PREX1: variants seen among roughly 807,000 people sequenced by gnomAD.
The protein encoded by PREX1 is phosphatidylinositol-3,4,5-trisphosphate dependent Rac exchange factor 1.
A neutral mutation model predicts 198.3 loss-of-function variants in PREX1; 41 were observed. That is an observed-to-expected ratio of 0.21 (90% confidence interval 0.16 to 0.27). PREX1 has a LOEUF of 0.27. Ranked by LOEUF, PREX1 falls within the 10% of genes least tolerant of loss-of-function variation. The pLI, the probability that PREX1 is intolerant of heterozygous loss-of-function variation, is 1.00. For missense variants in PREX1, 1,620 were observed against 2,200.7 expected, an observed-to-expected ratio of 0.74 and a Z score of 5.28; for synonymous variants, 843 against 887.2, an observed-to-expected ratio of 0.95 and a Z score of 0.89.
the PREX1 span, among the ~76,000 whole-genome samples, chr20:48,873,300 A>G: frequency 6.6e-6 from 1 of 152,202 alleles, no homozygotes; most frequent in Admixed American, 6.5e-5. Flanking sequence ...AAGACTAAAG[A>G]TGAGATGGAG....
intron 1 of PREX1, among the ~76,000 whole-genome samples, chr20:48,771,183 G>A (rs775436685): frequency 1.3e-5 from 2 of 151,732 alleles, no homozygotes; most frequent in Non-Finnish European, 2.9e-5. Context: ...AATTTTGCAT[G>A]TCACCTTTCC....
intron 14 of PREX1, among the ~76,000 whole-genome samples, chr20:48,668,333 G>A (rs2089653246): frequency 6.6e-6 from 1 of 152,212 alleles, no homozygotes; most frequent in African/African-American, 2.4e-5. Flanking sequence ...GCACTGCTGT[G>A]TCCCCGCTCA....
At chr20:48,658,568 G>C (rs1327502543) in intron 16 of PREX1, among the ~76,000 whole-genome samples, 2 of 152,212 alleles carry the variant, frequency 1.3e-5, no homozygotes, top group African/African-American at 4.8e-5. Flanking sequence ...TACAGGGAAA[G>C]GCACTCATTC....
At chr20:48,651,888 G>A (rs951582440) in intron 21 of PREX1, among the ~76,000 whole-genome samples, 8 of 152,234 alleles carry the variant, frequency 5.3e-5, no homozygotes, top group Admixed American at 2.0e-4. Flanking sequence ...AGAACAGGGA[G>A]AGCCATGAGC....
chr20:48,784,054 A>G (rs2090301462), intron 1 of PREX1, among the ~76,000 whole-genome samples: 1 of 152,208 alleles, frequency 6.6e-6, no homozygotes, highest in African/African-American at 2.4e-5. Context: ...GGAGAACCAC[A>G]GCTGGCTGCC....
At chr20:48,782,398 T>C (rs1469921097) in intron 1 of PREX1, among the ~76,000 whole-genome samples, 1 of 152,182 alleles carries the variant, frequency 6.6e-6, no homozygotes, top group African/African-American at 2.4e-5. Flanking sequence ...GCCTTTTGCC[T>C]TCCCCCATGA....
At chr20:48,850,861 AT>A in the PREX1 span, among the ~76,000 whole-genome samples, 5 of 152,094 alleles carry the variant, frequency 3.3e-5, no homozygotes, top group African/African-American at 1.2e-4. Flanking sequence ...CATCTTCTAA[AT>A]TAGGGGTTGA....
intron 4 of PREX1, among the ~76,000 whole-genome samples, chr20:48,733,860 C>A (rs2090045755): frequency 6.6e-6 from 1 of 152,186 alleles, no homozygotes; most frequent in African/African-American, 2.4e-5. Context: ...AAGCAATTCT[C>A]CTGCTTCAGC....
At chr20:48,657,282 G>A in intron 17 of PREX1, 94 bp from the exon 18 acceptor site, 2 of 1,441,954 alleles carry the variant, frequency 1.4e-6, no homozygotes, top group South Asian at 1.3e-5. Flanking sequence ...GCAGAAGGGT[G>A]CTGGCCCAAG....
the PREX1 span, among the ~76,000 whole-genome samples, chr20:48,883,698 G>A: frequency 0.039 from 5,940 of 152,118 alleles, 228 homozygotes; most frequent in African/African-American, 0.089. Context: ...CAAAACTTAT[G>A]CTGTGAAGAC....
At chr20:48,721,284 G>T (rs564760201) in intron 5 of PREX1, among the ~76,000 whole-genome samples, 2 of 152,164 alleles carry the variant, frequency 1.3e-5, no homozygotes, top group Non-Finnish European at 2.9e-5. Flanking sequence ...AGCGTCCCAG[G>T]ACAGAATGTG....
chr20:48,742,159 G>A (rs552048087), intron 3 of PREX1, among the ~76,000 whole-genome samples: 2 of 152,290 alleles, frequency 1.3e-5, no homozygotes, highest in South Asian at 4.1e-4. Flanking sequence ...GCCCTGCTGA[G>A]GTGCAGGGGG....
intron 1 of PREX1, among the ~76,000 whole-genome samples, chr20:48,780,980 T>C (rs950911084): frequency 6.0e-4 from 91 of 152,212 alleles, no homozygotes; most frequent in African/African-American, 2.1e-3. Context: ...ACATCGCTCC[T>C]GGGGTATCCC....
At chr20:48,863,345 T>C in the PREX1 span, among the ~76,000 whole-genome samples, 100 of 152,314 alleles carry the variant, frequency 6.6e-4, 2 homozygotes, top group South Asian at 0.015. Context: ...TTATGCAGTC[T>C]GCAGGTCTTG....
chr20:48,734,042 G>A (rs758299443), intron 4 of PREX1, among the ~76,000 whole-genome samples: 3 of 152,166 alleles, frequency 2.0e-5, no homozygotes, highest in Admixed American at 6.5e-5. Context: ...GTGAGTCCCC[G>A]CACCTGGCCG....
intron 9 of PREX1, among the ~76,000 whole-genome samples, chr20:48,689,775 G>C (rs1018812048): frequency 3.3e-5 from 5 of 152,216 alleles, no homozygotes; most frequent in Admixed American, 2.0e-4. Context: ...TTGGTGCAAC[G>C]TTTAGGATCA....
chr20:48,713,268 A>G (rs768008129), intron 5 of PREX1, among the ~76,000 whole-genome samples: 1 of 152,110 alleles, frequency 6.6e-6, no homozygotes. Context: ...CCTAGCCAAC[A>G]TGGCAAAACC....
chr20:48,746,932 C>T (rs2090110229), intron 2 of PREX1, among the ~76,000 whole-genome samples: 1 of 143,124 alleles, frequency 7.0e-6, no homozygotes, highest in South Asian at 2.3e-4. Flanking sequence ...GTTTAGATCC[C>T]AGTGCATGAA....
chr20:48,728,918 T>C (rs956645891), intron 4 of PREX1, among the ~76,000 whole-genome samples: 1 of 152,188 alleles, frequency 6.6e-6, no homozygotes, highest in Admixed American at 6.5e-5. Flanking sequence ...GAAGAACTTC[T>C]GAGAAGTCCT....
Sources: gnomAD v4.1 joint callset for allele counts (sites outside exome capture counted in the v4.1 genomes callset) on GRCh38, gnomAD v4.1.1 for gene constraint, MANE v1.5 for transcripts, NCBI Gene and HGNC (gene_info 2026-07-23, HGNC 2026-07-21) for gene names.